The following PTPRD variants were observed in gnomAD, a reference collection of about 807,000 sequenced individuals.
PTPRD encodes the protein protein tyrosine phosphatase receptor type D.
PTPRD carries 34 observed loss-of-function variants against 214.5 expected under a neutral mutation model. That is an observed-to-expected ratio of 0.16 (90% confidence interval 0.12 to 0.21). PTPRD has a LOEUF of 0.21. Among genes scored for constraint, PTPRD ranks in the 10% least tolerant of loss-of-function variants. PTPRD has a pLI of 1.00. For missense variants in PTPRD, 2,545 were observed against 2,398.7 expected, an observed-to-expected ratio of 1.06 and a Z score of -1.27; for synonymous variants, 1,128 against 845.7, an observed-to-expected ratio of 1.33 and a Z score of -5.79.
chr9:10,182,504 G>A (rs778662113), intron 3 of PTPRD, among the ~76,000 whole-genome samples: 1 of 151,804 alleles, frequency 6.6e-6, no homozygotes, highest in Admixed American at 6.6e-5. Flanking sequence ...AACAGATGCA[G>A]AGCTCTTACT....
At chr9:10,323,367 T>G (rs1268967856) in intron 3 of PTPRD, among the ~76,000 whole-genome samples, 1 of 148,564 alleles carries the variant, frequency 6.7e-6, no homozygotes, top group Non-Finnish European at 1.5e-5. Flanking sequence ...TGATTTTGCC[T>G]CACAGCAATC....
chr9:9,484,727 T>A (rs2095556469), intron 8 of PTPRD, among the ~76,000 whole-genome samples: 1 of 152,034 alleles, frequency 6.6e-6, no homozygotes, highest in East Asian at 1.9e-4. Flanking sequence ...TTTTACGAGG[T>A]CATATAGGTA....
chr9:10,563,596 C>T (rs980793574), intron 2 of PTPRD, among the ~76,000 whole-genome samples: 7 of 151,982 alleles, frequency 4.6e-5, no homozygotes, highest in Admixed American at 6.6e-5. Context: ...TGTAGAAATT[C>T]AATTTCAAAA....
chr9:10,352,141 C>G (rs1323334093), intron 2 of PTPRD, among the ~76,000 whole-genome samples: 1 of 151,978 alleles, frequency 6.6e-6, no homozygotes, highest in Non-Finnish European at 1.5e-5. Flanking sequence ...CTTTGGCAGG[C>G]AGTTCATTTT....
At chr9:8,480,614 C>T (rs775057392) in intron 30 of PTPRD, among the ~76,000 whole-genome samples, 32 of 152,068 alleles carry the variant, frequency 2.1e-4, no homozygotes, top group Non-Finnish European at 3.1e-4. Flanking sequence ...TAGGTAAATA[C>T]GTATCCCCAA....
chr9:10,235,903 G>A (rs992603046), intron 3 of PTPRD, among the ~76,000 whole-genome samples: 1 of 151,938 alleles, frequency 6.6e-6, no homozygotes, highest in Admixed American at 6.6e-5. Flanking sequence ...AACCTTTGGG[G>A]TGTGAATTAT....
chr9:8,615,071 A>AG (rs1564732306), intron 14 of PTPRD, among the ~76,000 whole-genome samples: 3 of 152,112 alleles, frequency 2.0e-5, no homozygotes, highest in Non-Finnish European at 4.4e-5. Flanking sequence ...ACCTGCTTTG[A>AG]TAATGTTCTG....
chr9:10,529,333 G>C (rs1057496305), intron 2 of PTPRD, among the ~76,000 whole-genome samples: 4 of 152,128 alleles, frequency 2.6e-5, no homozygotes, highest in African/African-American at 4.8e-5. Context: ...TGCCCATCAA[G>C]GTTAGACTGG....
Position 8,393,856 on chromosome 9 carries a change from C to T in PTPRD, c.4211-4449G>A, listed in dbSNP as rs796738396. ...AAAGTGTATTTCCTCAGTTAATGAACTGTTCTTTCTTGTGGCATTTAAAAA... is the reference window on the plus strand; with the variant it reads ...AAAGTGTATTTCCTCAGTTAATGAATTGTTCTTTCTTGTGGCATTTAAAAA... On this transcript the variant is annotated intron_variant, in intron 36 of 45. Transcript: ENST00000381196. Among the ~76,000 whole-genome samples the T allele has an allele frequency of 9.2e-5, 14 of 152,194 alleles. 2 individuals carry two copies. The highest frequency in any genetic ancestry group is 3.4e-4 in the African/African-American group (14 of 41,538).
intron 11 of PTPRD, among the ~76,000 whole-genome samples, chr9:8,922,176 C>T (rs2098832395): frequency 6.6e-6 from 1 of 152,106 alleles, no homozygotes; most frequent in Non-Finnish European, 1.5e-5. Flanking sequence ...TTTTTCTCAG[C>T]AAATTTTCTT....
chr9:9,742,551 G>A (rs1226939594), intron 6 of PTPRD, among the ~76,000 whole-genome samples: 3 of 152,018 alleles, frequency 2.0e-5, no homozygotes, highest in East Asian at 1.9e-4. Context: ...GAGGATATGG[G>A]TTAAGGAAAG....
chr9:8,338,337 C>G (rs985734065), intron 43 of PTPRD, among the ~76,000 whole-genome samples: 1 of 152,052 alleles, frequency 6.6e-6, no homozygotes, highest in Non-Finnish European at 1.5e-5. Context: ...ATAAGAAATG[C>G]AGGATGAAAA....
intron 2 of PTPRD, among the ~76,000 whole-genome samples, chr9:10,422,077 T>C (rs2098550842): frequency 1.3e-5 from 2 of 151,966 alleles, no homozygotes; most frequent in Non-Finnish European, 2.9e-5. Flanking sequence ...AAGGATACAG[T>C]AACCAAAACA....
At chr9:10,357,280 G>C (rs1406172782) in intron 2 of PTPRD, among the ~76,000 whole-genome samples, 7 of 152,098 alleles carry the variant, frequency 4.6e-5, no homozygotes, top group Non-Finnish European at 1.0e-4. Context: ...TGTTTGATTT[G>C]ATTTAACCAT....
intron 10 of PTPRD, among the ~76,000 whole-genome samples, chr9:9,111,250 A>AT (rs2099805618): frequency 7.0e-6 from 1 of 143,624 alleles, no homozygotes; most frequent in African/African-American, 2.6e-5. Flanking sequence ...CAGTGGAAAT[A>AT]CCTTTTTTTT....
At chr9:8,566,134 GTGTGTGTA>G (rs1300142508) in intron 14 of PTPRD, among the ~76,000 whole-genome samples, 2 of 142,786 alleles carry the variant, frequency 1.4e-5, no homozygotes, top group Admixed American at 7.0e-5. Flanking sequence ...GTGTGTGTGT[GTGTGTGTA>G]TAGCAAGTTT....
chr9:10,159,357 A>G (rs1440642552), intron 3 of PTPRD, among the ~76,000 whole-genome samples: 1 of 152,078 alleles, frequency 6.6e-6, no homozygotes, highest in African/African-American at 2.4e-5. Context: ...ATAGTCAGGA[A>G]AAAATATTGC....
In PTPRD at chr9:10,092,673, C is replaced by T. The variant is rs75334361; in HGVS notation, c.-544-58883G>A. Among the ~76,000 whole-genome samples, 413 of 151,144 alleles carry T rather than the reference C, an allele frequency of 2.7e-3. 2 individuals carry two copies. Among genetic ancestry groups the T allele is most frequent in the African/African-American group, 8.3e-3 (342 of 41,318 alleles). On this transcript the variant is annotated intron_variant, in intron 3 of 45. Transcript: ENST00000381196. The stretch of plus-strand genomic sequence containing the variant: ...CAATCCTATGCAAAAAGAACAAACC[C>T]GAGGCATCATATTACCTGATTTTAC...
At chr9:8,833,746 A>ACACG (rs2097351438) in intron 11 of PTPRD, among the ~76,000 whole-genome samples, 2 of 149,238 alleles carry the variant, frequency 1.3e-5, no homozygotes, top group African/African-American at 2.5e-5. Context: ...ACACACACAC[A>ACACG]CGATTCTATA....
Sources: gnomAD v4.1 joint callset for allele counts (sites outside exome capture counted in the v4.1 genomes callset) on GRCh38, gnomAD v4.1.1 for gene constraint, MANE v1.5 for transcripts, NCBI Gene and HGNC (gene_info 2026-07-23, HGNC 2026-07-21) for gene names.